The following EXOSC4 variants were observed in gnomAD, a reference collection of about 807,000 sequenced individuals.
EXOSC4 encodes exosome component 4, also known as exosome complex component RRP41.
A neutral mutation model predicts 20.0 loss-of-function variants in EXOSC4; 14 were observed. That is an observed-to-expected ratio of 0.70 (90% CI 0.46 to 1.09). EXOSC4 has a LOEUF of 1.09. Among genes scored for constraint, EXOSC4 ranks in the 50% least tolerant of loss-of-function variants. EXOSC4 has a pLI of 0.00. For synonymous variants in EXOSC4, 148 were observed against 146.4 expected (o/e 1.01, Z -0.08); for missense variants, 337 against 334.0 (o/e 1.01, Z -0.07).
At chr8:144,071,027 G>T in the EXOSC4 span, among the ~76,000 whole-genome samples, 2 of 151,828 alleles carry the variant, frequency 1.3e-5, no homozygotes, top group South Asian at 4.2e-4. Flanking sequence ...CACACTGTGG[G>T]GCAAACAGAC....
upstream of EXOSC4, among the ~76,000 whole-genome samples, chr8:144,075,665 G>A (rs142369665): frequency 4.7e-4 from 72 of 152,312 alleles, 1 homozygote; most frequent in Non-Finnish European, 7.6e-4. Flanking sequence ...CGAGCACCGC[G>A]TCTGCCATAT....
At chr8:144,073,434 G>A in the EXOSC4 span, among the ~76,000 whole-genome samples, 4 of 152,210 alleles carry the variant, frequency 2.6e-5, no homozygotes, top group African/African-American at 7.2e-5. Flanking sequence ...GAGGAGCAGC[G>A]ATTCGTTCTT....
chr8:144,079,851 C>A, intron 1 of EXOSC4, 92 bp from the exon 2 acceptor site: 1 of 1,217,970 alleles, frequency 8.2e-7, no homozygotes, highest in Non-Finnish European at 1.2e-6. Flanking sequence ...CTTGCTGAGG[C>A]ATTGAAAGTG....
intron 1 of EXOSC4, 132 bp from the exon 2 acceptor site, chr8:144,079,811 G>A (rs781925265): frequency 4.5e-6 from 4 of 881,700 alleles, no homozygotes; most frequent in Middle Eastern, 4.3e-4. Flanking sequence ...CAAAACAGGG[G>A]GCTTTGTTTT....
At chr8:144,070,116 T>C in the EXOSC4 span, among the ~76,000 whole-genome samples, 1 of 152,214 alleles carries the variant, frequency 6.6e-6, no homozygotes, top group Non-Finnish European at 1.5e-5. Flanking sequence ...GATCCTTTAT[T>C]AGTGCCTGGG....
chr8:144,068,692 G>A, the EXOSC4 span, among the ~76,000 whole-genome samples: 2 of 152,222 alleles, frequency 1.3e-5, no homozygotes, highest in African/African-American at 4.8e-5. Context: ...GGGAATCTGT[G>A]GTGCTTGAGC....
At chr8:144,071,398 G>T in the EXOSC4 span, among the ~76,000 whole-genome samples, 26 of 147,326 alleles carry the variant, frequency 1.8e-4, no homozygotes, top group African/African-American at 5.5e-4. Context: ...CACTTCTCCC[G>T]CCTCAGCCTC....
At chr8:144,079,792 CAG>C (rs546445010) in intron 1 of EXOSC4, 149 bp from the exon 2 acceptor site, 6 of 817,098 alleles carry the variant, frequency 7.3e-6, no homozygotes, top group South Asian at 5.4e-5. Flanking sequence ...ACATGCAAGA[CAG>C]AGAGCGCAAA....
upstream of EXOSC4, chr8:144,078,572 C>T (rs1280637526): frequency 2.7e-6 from 2 of 748,518 alleles, no homozygotes; most frequent in East Asian, 6.8e-5. The surrounding 1 kb of genome is among the most constrained non-coding windows in gnomAD (Gnocchi z 4.7). Context: ...CGCAGATCCA[C>T]GGAGGTCAGG....
At position 144,080,562 on chromosome 8, in the gene EXOSC4, G is replaced by A; in HGVS notation, c.699G>A (p.Arg233=). 1.9e-6 allele frequency: 3 copies of A among 1,600,036 alleles called. No homozygotes were observed. The highest frequency in any genetic ancestry group is 2.2e-5 in the South Asian group (2 of 91,074). Residue 233 remains arginine (R), a synonymous_variant, in exon 3 of 3, where the codon CGG becomes CGA. Transcript: ENST00000316052. This position sits in a 1 kb window ranked among gnomAD's most constrained non-coding sequence, Gnocchi z 4.9. ...ACACCCTCTTAGATCGAGTGGTCCG[G>A]CAGCATGTGCGTGAGGCCTCTATCT... The part of the protein sequence containing the change: ...DVHTLLDRVV[R]QHVREASILL...
Position 144,080,235 on chromosome 8 carries a change from C to G in EXOSC4, c.379-7C>G. The G allele has an allele frequency of 6.2e-7, 1 of 1,612,084 alleles. No homozygotes were observed. Among genetic ancestry groups the G allele is most frequent in the Non-Finnish European group, 8.5e-7 (1 of 1,178,654 alleles). ...TCTGATAGACTGACACCCTGGGTTC[C>G]CTGCAGGTGCTACAGGCAGATGGTG... On this transcript the variant is annotated splice_polypyrimidine_tract_variant and splice_region_variant and intron_variant, in intron 2 of 2. Transcript: ENST00000316052. This position sits in a 1 kb window ranked among gnomAD's most constrained non-coding sequence, Gnocchi z 4.9.
At chr8:144,064,417 C>G in the EXOSC4 span, among the ~76,000 whole-genome samples, 2 of 152,262 alleles carry the variant, frequency 1.3e-5, no homozygotes, top group Non-Finnish European at 2.9e-5. Context: ...GGGTGCGTGG[C>G]TGCCCTGCAG....
chr8:144,079,673 G>A, intron 1 of EXOSC4: 1 of 629,426 alleles, frequency 1.6e-6, no homozygotes, highest in East Asian at 3.1e-5. Flanking sequence ...GTTAGGATTT[G>A]AGTGTGTAGG....
At chr8:144,078,433 A>G, upstream of EXOSC4, 1 of 277,262 alleles carries the variant, frequency 3.6e-6, no homozygotes, top group Non-Finnish European at 6.7e-6. This position sits in a 1 kb window ranked among gnomAD's most constrained non-coding sequence, Gnocchi z 4.7. Flanking sequence ...TGCTTCCCCG[A>G]TAGCGCCGCC....
At chr8:144,078,498 G>A (rs1203298624), upstream of EXOSC4, 5 of 394,234 alleles carry the variant, frequency 1.3e-5, no homozygotes, top group Admixed American at 4.6e-5. This position sits in a 1 kb window ranked among gnomAD's most constrained non-coding sequence, Gnocchi z 4.7. Context: ...TAGATCCGGG[G>A]AGGTCGGGGC....
At chr8:144,071,571 C>T in the EXOSC4 span, among the ~76,000 whole-genome samples, 1 of 148,920 alleles carries the variant, frequency 6.7e-6, no homozygotes, top group African/African-American at 2.5e-5. Flanking sequence ...GCTGGGATTA[C>T]AGGCATGAGC....
chr8:144,071,989 A>T, the EXOSC4 span, among the ~76,000 whole-genome samples: 2 of 152,156 alleles, frequency 1.3e-5, no homozygotes, highest in Non-Finnish European at 2.9e-5. Flanking sequence ...CAGAAAAATT[A>T]AAAAATAAAA....
chr8:144,070,324 G>A, the EXOSC4 span, among the ~76,000 whole-genome samples: 1 of 152,086 alleles, frequency 6.6e-6, no homozygotes, highest in African/African-American at 2.4e-5. Flanking sequence ...AGGAGTTCAA[G>A]ACCAGCCTGG....
intron 1 of EXOSC4, chr8:144,079,418 GTGTT>G: frequency 3.7e-6 from 1 of 273,160 alleles, no homozygotes; most frequent in Non-Finnish European, 7.3e-6. Context: ...TATTGAAAGA[GTGTT>G]TGCTTAGCGC....
Sources: allele counts gnomAD v4.1 joint callset (sites outside exome capture counted in the v4.1 genomes callset), GRCh38; gene constraint gnomAD v4.1.1; non-coding constraint Gnocchi (gnomAD v3.1); transcripts MANE v1.5; gene names NCBI Gene and HGNC (gene_info 2026-07-23, HGNC 2026-07-21).